PDK1: variants seen among roughly 807,000 people sequenced by gnomAD.
The protein encoded by PDK1 is pyruvate dehydrogenase kinase 1.
PDK1 carries 39 observed loss-of-function variants against 54.2 expected under a neutral mutation model. The observed-to-expected ratio is 0.72, with a 90% CI of 0.56 to 0.94. PDK1 has a LOEUF of 0.94. PDK1 is among the 40% of genes least tolerant of loss of function. PDK1 has a pLI of 0.00. For synonymous variants in PDK1, 221 were observed against 207.1 expected (o/e 1.07, Z -0.58); for missense variants, 552 against 566.0 (o/e 0.98, Z 0.25).
the PDK1 span, among the ~76,000 whole-genome samples, chr2:172,705,633 A>G: frequency 0.036 from 5,465 of 152,306 alleles, 318 homozygotes; most frequent in African/African-American, 0.12. Context: ...TCTTCACTCA[A>G]TTTAAATGAT....
chr2:172,651,958 A>G, the PDK1 span, among the ~76,000 whole-genome samples: 1 of 152,270 alleles, frequency 6.6e-6, no homozygotes, highest in Admixed American at 6.5e-5. Context: ...ATCCTCCCTA[A>G]TTCATTTTAT....
intron 9 of PDK1, among the ~76,000 whole-genome samples, chr2:172,588,875 C>T (rs1690411043): frequency 6.6e-6 from 1 of 152,332 alleles, no homozygotes; most frequent in South Asian, 2.1e-4. Flanking sequence ...TCATCCTTCA[C>T]TCAGTTTTGT....
At chr2:172,615,305 T>G in the PDK1 span, among the ~76,000 whole-genome samples, 23 of 152,194 alleles carry the variant, frequency 1.5e-4, no homozygotes, top group Admixed American at 1.4e-3. Flanking sequence ...GAACAAAATT[T>G]AGAACTTCTC....
rs1352478714 is a variant in PDK1, at chr2:172,607,997, T to G, written c.*12028T>G. ...ATCAGATAGTGTGCAGTTTTTGTAG[T>G]AAAAGGTAAAAATCTGAATAATAAA... is the stretch of plus-strand genomic sequence containing the variant. On this transcript the variant is annotated 3_prime_UTR_variant, in exon 11 of 11. Coordinates refer to ENST00000282077, the MANE Select transcript of PDK1 (RefSeq NM_002610.5). 6.6e-6 allele frequency: 1 copy of G among 152,174 alleles called. No homozygotes were observed. Among genetic ancestry groups the G allele is most frequent in the Non-Finnish European group, 1.5e-5 (1 of 68,028 alleles). 9.4% of individuals were successfully genotyped at this position (152,174 alleles called of 1,614,324 possible).
At chr2:172,634,259 T>C in the PDK1 span, among the ~76,000 whole-genome samples, 2 of 139,542 alleles carry the variant, frequency 1.4e-5, no homozygotes, top group African/African-American at 5.2e-5. Context: ...ATGAAATCTA[T>C]TTATATTATT....
In PDK1 at chr2:172,596,998, G is replaced by C. The variant is rs747736385; in HGVS notation, c.*1029G>C. 4 of 152,112 alleles carry C rather than the reference G, an allele frequency of 2.6e-5. No homozygotes were observed. The highest frequency in any genetic ancestry group is 5.9e-5 in the Non-Finnish European group (4 of 68,042). The allele number at this position is 152,112 out of a possible 1,614,324, so 9.4% of individuals were successfully genotyped here. ...TCAGATTTATAGACTCGAGGAGACAGAAACTGAATCCCACACCTGGTGCAA... is the reference window on the plus strand; with the variant it reads ...TCAGATTTATAGACTCGAGGAGACACAAACTGAATCCCACACCTGGTGCAA... On this transcript the variant is annotated 3_prime_UTR_variant, in exon 11 of 11. Coordinates refer to ENST00000282077, the MANE Select transcript of PDK1 (RefSeq NM_002610.5).
chr2:172,712,820 T>C, the PDK1 span, among the ~76,000 whole-genome samples: 1,440 of 152,302 alleles, frequency 9.5e-3, 24 homozygotes, highest in African/African-American at 0.033. Flanking sequence ...TACAGCTCTT[T>C]CAGTCCCAGC....
At chr2:172,583,390 T>G (rs533702089) in intron 8 of PDK1, among the ~76,000 whole-genome samples, 9 of 148,258 alleles carry the variant, frequency 6.1e-5, no homozygotes, top group Admixed American at 2.1e-4. Flanking sequence ...TCCTCCTGGA[T>G]TCAAGAGATT....
rs1691314860 is a variant in PDK1 at position 172,606,861 on chromosome 2, C to T, written c.*10892C>T. ...TGCAATCACCACCTCTGTCTAGTTC[C>T]AAAACATTTTTATCACCCTAAAAGG... On this transcript the variant is annotated 3_prime_UTR_variant, in exon 11 of 11. Transcript: ENST00000282077. The T allele has an allele frequency of 6.6e-6, 1 of 151,928 alleles. No individual in the cohort carries two copies. Among genetic ancestry groups the T allele is most frequent in the South Asian group, 2.1e-4 (1 of 4,826 alleles). 9.4% of individuals were successfully genotyped at this position (151,928 alleles called of 1,614,324 possible).
At chr2:172,663,200 T>C in the PDK1 span, among the ~76,000 whole-genome samples, 8 of 152,224 alleles carry the variant, frequency 5.3e-5, no homozygotes, top group Non-Finnish European at 1.2e-4. Context: ...GACCAGTTTC[T>C]CCCTCTGTCT....
At chr2:172,677,350 C>G in the PDK1 span, 3 of 152,232 alleles carry the variant, frequency 2.0e-5, no homozygotes, top group Non-Finnish European at 4.4e-5. Flanking sequence ...TCTTCATACA[C>G]TTCCTTTATT....
At chr2:172,714,509 A>G in the PDK1 span, among the ~76,000 whole-genome samples, 1 of 152,048 alleles carries the variant, frequency 6.6e-6, no homozygotes, top group African/African-American at 2.4e-5. Flanking sequence ...ATTAAAATGT[A>G]TGTTTTCTTT....
upstream of PDK1, chr2:172,555,818 G>C (rs142144862): frequency 0.045 from 10,118 of 227,046 alleles, 326 homozygotes; most frequent in Non-Finnish European, 0.06. Flanking sequence ...GGGGACGGCC[G>C]ACACGCTCAC....
intron 7 of PDK1, 80 bp downstream of exon 7, chr2:172,568,897 T>A: frequency 1.3e-6 from 1 of 793,270 alleles, no homozygotes; most frequent in Non-Finnish European, 2.2e-6. Flanking sequence ...AATATTCCAC[T>A]AGGTTCTCCT....
the PDK1 span, among the ~76,000 whole-genome samples, chr2:172,705,470 A>G: frequency 1.3e-5 from 2 of 152,286 alleles, no homozygotes; most frequent in East Asian, 3.9e-4. Flanking sequence ...GCCCTATCTT[A>G]TTACTGTCAC....
At chr2:172,638,984 A>G in the PDK1 span, among the ~76,000 whole-genome samples, 1 of 152,248 alleles carries the variant, frequency 6.6e-6, no homozygotes, top group East Asian at 1.9e-4. Context: ...AAGGTGAGAG[A>G]GAAACTGCAG....
At chr2:172,691,515 A>C in the PDK1 span, 28 of 152,314 alleles carry the variant, frequency 1.8e-4, 2 homozygotes, top group East Asian at 4.6e-3. Flanking sequence ...ACCATTATAG[A>C]ATCATTACAG....
At chr2:172,570,215 T>C (rs1476107515) in intron 7 of PDK1, among the ~76,000 whole-genome samples, 3 of 152,206 alleles carry the variant, frequency 2.0e-5, no homozygotes, top group African/African-American at 7.2e-5. Flanking sequence ...CTATTTCCTT[T>C]AGAAATTAGT....
chr2:172,588,474 T>C (rs1487065786), intron 9 of PDK1, among the ~76,000 whole-genome samples: 1 of 152,184 alleles, frequency 6.6e-6, no homozygotes, highest in Non-Finnish European at 1.5e-5. Flanking sequence ...GTAAAAATGC[T>C]CTTTATGGTG....
Sources: allele counts gnomAD v4.1 joint callset (sites outside exome capture counted in the v4.1 genomes callset), GRCh38; gene constraint gnomAD v4.1.1; transcripts MANE v1.5; gene names NCBI Gene and HGNC (gene_info 2026-07-23, HGNC 2026-07-21).